Variants in NAALADL2 observed in about 807,000 individuals in gnomAD.
NAALADL2 encodes the protein inactive N-acetylated-alpha-linked acidic dipeptidase-like protein 2.
Under a neutral mutation model 87.2 loss-of-function variants are expected in NAALADL2, and 76 were observed. The ratio of observed to expected loss-of-function variants is 0.87; its 90% CI spans 0.72 to 1.05. The LOEUF (loss-of-function observed/expected upper bound fraction) is 1.05. Ranked by LOEUF, NAALADL2 falls within the 50% of genes least tolerant of loss-of-function variation. NAALADL2 has a pLI of 0.00. For synonymous variants in NAALADL2, 354 were observed against 331.0 expected (o/e 1.07, Z -0.75); for missense variants, 1,089 against 945.8 (o/e 1.15, Z -1.99).
At chr3:174,590,167 T>C (rs1717203385) in intron 2 of NAALADL2, among the ~76,000 whole-genome samples, 1 of 150,370 alleles carries the variant, frequency 6.7e-6, no homozygotes, top group Admixed American at 6.6e-5. Context: ...GAACCATAGA[T>C]TTTTTTTTTC....
At chr3:175,544,153 T>G (rs2149475973) in intron 9 of NAALADL2, among the ~76,000 whole-genome samples, 1 of 152,158 alleles carries the variant, frequency 6.6e-6, no homozygotes, top group East Asian at 1.9e-4. Flanking sequence ...TGTGAAAAAA[T>G]GGGTGGCTTT....
chr3:175,085,875 G>A (rs999202393), intron 1 of NAALADL2, among the ~76,000 whole-genome samples: 5 of 152,164 alleles, frequency 3.3e-5, no homozygotes, highest in Non-Finnish European at 7.3e-5. Flanking sequence ...CAGAGATCGT[G>A]CCACTGCACT....
chr3:175,369,837 A>G (rs191835656), intron 5 of NAALADL2, among the ~76,000 whole-genome samples: 38 of 152,330 alleles, frequency 2.5e-4, no homozygotes, highest in African/African-American at 8.2e-4. Context: ...ATTGTGTGCT[A>G]AAATTTAATA....
intron 4 of NAALADL2, among the ~76,000 whole-genome samples, chr3:175,277,719 T>G (rs1442656559): frequency 2.0e-5 from 3 of 152,230 alleles, no homozygotes; most frequent in African/African-American, 4.8e-5. Context: ...TTATGAATCC[T>G]TAAATAATCT....
At position 175,657,620 on chromosome 3, in the gene NAALADL2, C is replaced by G. The variant is rs547737164; in HGVS notation, c.1896+30234C>G. On this transcript the variant is annotated intron_variant, in intron 11 of 13. Transcript: ENST00000454872. ...TTTTGAGACGGAGTCTTGCTCTGTC[C>G]CCCAGGCTGGAGTGCAGTGGCACGA... Among the ~76,000 whole-genome samples the G allele has an allele frequency of 3.2e-4, 48 of 150,778 alleles. 2 individuals carry two copies. In the East Asian group the frequency reaches 8.8e-3, roughly 28 times the overall value.
chr3:174,746,789 T>G (rs1480795522), intron 3 of NAALADL2, among the ~76,000 whole-genome samples: 1 of 152,134 alleles, frequency 6.6e-6, no homozygotes, highest in African/African-American at 2.4e-5. Context: ...TCTACAACCC[T>G]TTGATCTTTG....
chr3:174,524,358 T>C (rs1185268434), intron 1 of NAALADL2, among the ~76,000 whole-genome samples: 1 of 151,808 alleles, frequency 6.6e-6, no homozygotes, highest in Non-Finnish European at 1.5e-5. Context: ...CAGATGAGAG[T>C]GGGGTGGCGG....
At chr3:175,466,787 C>T (rs1207416157) in intron 7 of NAALADL2, among the ~76,000 whole-genome samples, 192 bp from the exon 8 acceptor site, 2 of 152,118 alleles carry the variant, frequency 1.3e-5, no homozygotes, top group African/African-American at 4.8e-5. Context: ...TTGGGTTCAG[C>T]AGCTGCCTCT....
chr3:175,782,903 C>T (rs1345873589), intron 13 of NAALADL2, among the ~76,000 whole-genome samples: 7 of 146,536 alleles, frequency 4.8e-5, no homozygotes, highest in African/African-American at 1.9e-4. Context: ...GGAAGGGATC[C>T]AGTTTCAGCT....
intron 4 of NAALADL2, among the ~76,000 whole-genome samples, chr3:175,295,744 C>T (rs941049175): frequency 7.3e-5 from 11 of 151,224 alleles, no homozygotes; most frequent in African/African-American, 2.7e-4. Context: ...CACACACACA[C>T]ACTCCCTCTC....
At chr3:175,154,024 C>A (rs981984126) in intron 2 of NAALADL2, among the ~76,000 whole-genome samples, 2 of 152,164 alleles carry the variant, frequency 1.3e-5, no homozygotes, top group Admixed American at 6.5e-5. Flanking sequence ...CAAAATGGAA[C>A]TTTTCACTTG....
chr3:174,697,759 A>G (rs1477444611), intron 2 of NAALADL2, among the ~76,000 whole-genome samples: 1 of 152,170 alleles, frequency 6.6e-6, no homozygotes, highest in African/African-American at 2.4e-5. Context: ...CTAAATATAC[A>G]TTTCAAAAGC....
intron 5 of NAALADL2, among the ~76,000 whole-genome samples, chr3:175,389,335 G>C (rs1012614012): frequency 6.6e-6 from 1 of 152,138 alleles, no homozygotes; most frequent in Admixed American, 6.6e-5. Context: ...TTTACATTTA[G>C]ATCCAAGAAG....
chr3:175,654,052 A>G (rs1731132273), intron 11 of NAALADL2, among the ~76,000 whole-genome samples: 1 of 152,214 alleles, frequency 6.6e-6, no homozygotes, highest in Non-Finnish European at 1.5e-5. Context: ...ATTGTTGTAC[A>G]ATCAAAAGAC....
intron 4 of NAALADL2, among the ~76,000 whole-genome samples, chr3:175,280,035 A>T (rs1011121576): frequency 1.7e-4 from 7 of 40,322 alleles, no homozygotes; most frequent in Admixed American, 3.5e-4. Flanking sequence ...CTCCACTTTA[A>T]AAAAAAAAAC....
chr3:175,343,041 T>G (rs1762726737), intron 5 of NAALADL2, among the ~76,000 whole-genome samples: 1 of 152,038 alleles, frequency 6.6e-6, no homozygotes, highest in Non-Finnish European at 1.5e-5. Context: ...AAATTCTGAG[T>G]AGTAGAATTG....
At chr3:175,511,198 C>T (rs1000065068) in intron 9 of NAALADL2, among the ~76,000 whole-genome samples, 1 of 152,176 alleles carries the variant, frequency 6.6e-6, no homozygotes. Flanking sequence ...TAATCATAAT[C>T]TAGTCTCATG....
At chr3:175,130,446 A>G (rs1283451380) in intron 2 of NAALADL2, among the ~76,000 whole-genome samples, 1 of 151,982 alleles carries the variant, frequency 6.6e-6, no homozygotes, top group Non-Finnish European at 1.5e-5. Flanking sequence ...ACTTTTCCCT[A>G]TGTTTTCTTC....
At chr3:174,917,735 T>C (rs1448939112) in intron 1 of NAALADL2, among the ~76,000 whole-genome samples, 1 of 59,024 alleles carries the variant, frequency 1.7e-5, no homozygotes, top group African/African-American at 1.1e-4. Context: ...TATTTGTTAT[T>C]TTTTTTTTTG....
Sources: allele counts gnomAD v4.1 joint callset (sites outside exome capture counted in the v4.1 genomes callset), GRCh38; gene constraint gnomAD v4.1.1; transcripts MANE v1.5; gene names NCBI Gene and HGNC (gene_info 2026-07-23, HGNC 2026-07-21).